TRPA1: variants seen among roughly 807,000 people sequenced by gnomAD.
The protein encoded by TRPA1 is transient receptor potential cation channel subfamily A member 1, also known as ankyrin-like with transmembrane domains 1.
Under a neutral mutation model 131.3 loss-of-function variants are expected in TRPA1, and 129 were observed. That is an observed-to-expected ratio of 0.98 (90% CI 0.85 to 1.14). The LOEUF (loss-of-function observed/expected upper bound fraction) is 1.14, where lower values mean the gene tolerates loss of function less well. TRPA1 is among the 50% of genes most tolerant of loss of function. TRPA1 has a pLI of 0.00. For missense variants in TRPA1, 1,304 were observed against 1,354.2 expected (o/e 0.96, Z 0.58); for synonymous variants, 441 against 451.7 (o/e 0.98, Z 0.30).
intron 15 of TRPA1, among the ~76,000 whole-genome samples, 156 bp from the exon 16 acceptor site, chr8:72,047,363 C>T (rs1216751479): frequency 6.6e-6 from 1 of 152,028 alleles, no homozygotes; most frequent in Non-Finnish European, 1.5e-5. Flanking sequence ...CATTCAGGAA[C>T]AAAGTTTAAA....
chr8:72,043,167 A>G (rs1585857996), intron 17 of TRPA1, among the ~76,000 whole-genome samples: 1 of 151,882 alleles, frequency 6.6e-6, no homozygotes, highest in East Asian at 1.9e-4. Context: ...CCTCAGTTCT[A>G]GGCAGGCCTC....
chr8:72,025,090 C>T (rs916356567), intron 25 of TRPA1, among the ~76,000 whole-genome samples: 1 of 133,954 alleles, frequency 7.5e-6, no homozygotes, highest in Admixed American at 7.9e-5. Flanking sequence ...ATAGTGGATG[C>T]TGTGTGTGTG....
chr8:72,042,879 GT>G (rs932529813), intron 17 of TRPA1, among the ~76,000 whole-genome samples: 2 of 151,790 alleles, frequency 1.3e-5, no homozygotes, highest in African/African-American at 4.8e-5. Context: ...GAAACAAAAA[GT>G]AGAAGGGTGG....
At chr8:72,069,248 A>G (rs1376772913) in intron 2 of TRPA1, 50 bp from the exon 3 acceptor site, 1 of 1,584,886 alleles carries the variant, frequency 6.3e-7, no homozygotes, top group Non-Finnish European at 8.7e-7. Flanking sequence ...GACTGTATTC[A>G]ACACCTCCTG....
chr8:72,074,433 A>AT (rs926967939), intron 1 of TRPA1, among the ~76,000 whole-genome samples: 4 of 152,170 alleles, frequency 2.6e-5, no homozygotes, highest in Middle Eastern at 3.4e-3. Flanking sequence ...TTGTGTAAGC[A>AT]TTTTTTTTAA....
chr8:72,056,048 T>C, intron 10 of TRPA1, 193 bp from the exon 11 acceptor site: 2 of 628,194 alleles, frequency 3.2e-6, no homozygotes, highest in South Asian at 3.8e-5. Context: ...CTTCATTTAG[T>C]GTACATTACC....
rs369662285 is a variant in TRPA1, at chr8:72,053,834, C to A, written c.1563G>T (p.Ala521=). 3.1e-6 allele frequency: 5 copies of A among 1,612,036 alleles called. No homozygotes were observed. Among genetic ancestry groups the A allele is most frequent in the Non-Finnish European group, 4.2e-6 (5 of 1,179,722 alleles). Residue 521 remains alanine (A), a synonymous_variant, in exon 13 of 27, where the codon GCG becomes GCT. Transcript: ENST00000262209. The part of the protein sequence containing the change: ...DHNGWTALHH[A]SMGGYTQTMK... Reference sequence around the variant, plus strand: ...TGGTCTGAGTGTACCCGCCCATGGACGCATGATGCAAAGCTGTCCAGCCAT... The same window carrying A: ...TGGTCTGAGTGTACCCGCCCATGGAAGCATGATGCAAAGCTGTCCAGCCAT...
At chr8:72,070,687 C>T (rs187508027) in intron 2 of TRPA1, among the ~76,000 whole-genome samples, 63 of 152,280 alleles carry the variant, frequency 4.1e-4, no homozygotes, top group African/African-American at 1.4e-3. Context: ...TTTCCTCTGC[C>T]ATCTGTCTCT....
At chr8:72,053,655 G>T in intron 13 of TRPA1, 98 bp downstream of exon 13, 1 of 867,314 alleles carries the variant, frequency 1.2e-6, no homozygotes. Flanking sequence ...TGGGAATAGA[G>T]CAAGGAAGGT....
rs1805810466 is a variant in TRPA1 at position 72,061,665 on chromosome 8, C to A, written c.904G>T (p.Val302Phe). The A allele has an allele frequency of 6.2e-7, 1 of 1,614,006 alleles. No individual in the cohort carries two copies. Among genetic ancestry groups the A allele is most frequent in the Non-Finnish European group, 8.5e-7 (1 of 1,179,944 alleles). The change falls in exon 7 of 27, where the codon GTT (valine) becomes TTT (phenylalanine). Residue 302 changes from valine (V) to phenylalanine (F), a missense_variant. Physicochemically the swap from Val to Phe is conservative, Grantham distance 50. Coordinates refer to ENST00000262209, the MANE Select transcript of TRPA1 (RefSeq NM_007332.3). ...ISSYSGSVDI[V>F]NTTDGCHETM... The stretch of plus-strand genomic sequence containing the variant: ...TCATGACATCCATCGGTTGTGTTAA[C>A]AATATCCACGCTACCAGAATAGGAC...
At chr8:72,087,264 C>T in the TRPA1 span, among the ~76,000 whole-genome samples, 2 of 152,268 alleles carry the variant, frequency 1.3e-5, no homozygotes, top group Admixed American at 6.5e-5. Context: ...GAGATTCATG[C>T]CCTCTGTTGA....
At chr8:72,036,237 T>C (rs777962372) in intron 21 of TRPA1, 51 bp downstream of exon 21, 1 of 1,584,480 alleles carries the variant, frequency 6.3e-7, no homozygotes, top group South Asian at 1.1e-5. Flanking sequence ...AGTTTTTCTT[T>C]TGATATTAAA....
intron 25 of TRPA1, among the ~76,000 whole-genome samples, 185 bp downstream of exon 25, chr8:72,025,775 A>T (rs1292065201): frequency 6.6e-6 from 1 of 152,076 alleles, no homozygotes. Flanking sequence ...AGCAAACGTC[A>T]CCCTCCTCTC....
upstream of TRPA1, among the ~76,000 whole-genome samples, chr8:72,077,901 C>A (rs2587560): frequency 0.89 from 134,943 of 152,070 alleles, 60,086 homozygotes; most frequent in African/African-American, 0.95. Context: ...TAAAATGATA[C>A]TTATTAGAGA....
rs1291205828 is a variant in TRPA1 at position 72,063,559 on chromosome 8, C to T, written c.565G>A (p.Ala189Thr). Residue 189 changes from alanine (A) to threonine (T), a missense_variant, in exon 5 of 27, where the codon GCT (alanine) becomes ACT (threonine). Coordinates refer to ENST00000262209, the MANE Select transcript of TRPA1 (RefSeq NM_007332.3). ...CATTTATTTGATTTACATGGCTTAG[C>T]TCCTTTTTTAAGCTGGAAGAAAAGA... Reference protein sequence around the residue: ...EALQILLKKGAKPCKSNKWGC... With the variant: ...EALQILLKKGTKPCKSNKWGC... The T allele has an allele frequency of 1.9e-6, 3 of 1,612,696 alleles. No individual in the cohort carries two copies. Among genetic ancestry groups the T allele is most frequent in the Admixed American group, 1.7e-5 (1 of 59,976 alleles).
In TRPA1 at chr8:72,059,396, A is replaced by C. The variant is rs763186799; in HGVS notation, c.987T>G (p.Ile329Met). 4 of 1,573,474 alleles carry C rather than the reference A, an allele frequency of 2.5e-6. No individual in the cohort carries two copies. Among genetic ancestry groups the C allele is most frequent in the Non-Finnish European group, 2.6e-6 (3 of 1,149,264 alleles). ...FDHHELADYL[I>M]SVGADINKID... ...CAGTAAAAGGAATAGTTACCACTGA[A>C]ATTAAATAGTCTGCTAGCTCATGGT... is the stretch of plus-strand genomic sequence containing the variant. The change falls in exon 8 of 27, where the codon ATT (isoleucine) becomes ATG (methionine). Residue 329 changes from isoleucine (I) to methionine (M), a missense_variant. Transcript: ENST00000262209.
At position 72,029,927 on chromosome 8, in the gene TRPA1, C is replaced by T; in HGVS notation, c.2911G>A (p.Ala971Thr). 1 of 1,613,944 alleles carries T rather than the reference C, an allele frequency of 6.2e-7. No homozygotes were observed. Among genetic ancestry groups the T allele is most frequent in the South Asian group, 1.1e-5 (1 of 91,074 alleles). The change falls in exon 24 of 27, where the codon GCA becomes ACA. Residue 971 changes from alanine to threonine, a missense_variant. Ala to Thr is a moderately conservative substitution (Grantham distance 58). Coordinates refer to ENST00000262209, the MANE Select transcript of TRPA1 (RefSeq NM_007332.3). ...TGCATAGCTATCCTCTTCAATGATG[C>T]ATGTTTCTGGACCTCAGCAATGTCG... Reference protein sequence around the residue: ...VGDIAEVQKHASLKRIAMQVE... With the variant: ...VGDIAEVQKHTSLKRIAMQVE...
At chr8:72,085,716 T>C in the TRPA1 span, among the ~76,000 whole-genome samples, 32,256 of 152,068 alleles carry the variant, frequency 0.21, 3,510 homozygotes, top group Middle Eastern at 0.26. Context: ...CCAATCTTCT[T>C]TTTAATTGGG....
At chr8:72,063,046 G>C in intron 5 of TRPA1, 102 bp from the exon 6 acceptor site, 1 of 1,122,870 alleles carries the variant, frequency 8.9e-7, no homozygotes, top group Non-Finnish European at 1.3e-6. Flanking sequence ...CAATGAAAGG[G>C]CACCGAGACA....
Sources: gnomAD v4.1 joint callset for allele counts (sites outside exome capture counted in the v4.1 genomes callset) on GRCh38, gnomAD v4.1.1 for gene constraint, MANE v1.5 for transcripts, NCBI Gene and HGNC (gene_info 2026-07-23, HGNC 2026-07-21) for gene names.